The following PIK3AP1 variants were observed in gnomAD, a reference collection of about 807,000 sequenced individuals.
The protein encoded by PIK3AP1 is phosphoinositide-3-kinase adaptor protein 1, also known as phosphoinositide 3-kinase adapter protein 1.
PIK3AP1 carries 21 observed loss-of-function variants against 88.1 expected under a neutral mutation model. That is an observed-to-expected ratio of 0.24 (90% CI 0.17 to 0.34). The LOEUF is 0.34. Ranked by LOEUF, PIK3AP1 falls within the 10% of genes least tolerant of loss-of-function variation. PIK3AP1 has a pLI of 1.00. For missense variants in PIK3AP1, 828 were observed against 1,035.7 expected, an observed-to-expected ratio of 0.80 and a Z score of 2.75; for synonymous variants, 398 against 400.0, an observed-to-expected ratio of 1.00 and a Z score of 0.06.
chr10:96,625,315 T>C (rs2036200111), intron 10 of PIK3AP1, among the ~76,000 whole-genome samples: 1 of 152,064 alleles, frequency 6.6e-6, no homozygotes, highest in African/African-American at 2.4e-5. Flanking sequence ...AAGACACAGA[T>C]GCTGACAGGT....
At chr10:96,667,799 GA>G (rs5787207) in intron 2 of PIK3AP1, among the ~76,000 whole-genome samples, 88,079 of 151,788 alleles carry the variant, frequency 0.58, 26,738 homozygotes, top group African/African-American at 0.78. Flanking sequence ...AAATCAAAAA[GA>G]AAAGACTTCA....
At chr10:96,652,382 G>A (rs1843550684) in intron 4 of PIK3AP1, among the ~76,000 whole-genome samples, 2 of 152,090 alleles carry the variant, frequency 1.3e-5, no homozygotes, top group African/African-American at 4.8e-5. Flanking sequence ...GACCATCCTG[G>A]CTAACATGGT....
At chr10:96,668,139 A>G (rs1843791710) in intron 2 of PIK3AP1, among the ~76,000 whole-genome samples, 1 of 152,222 alleles carries the variant, frequency 6.6e-6, no homozygotes, top group African/African-American at 2.4e-5. Context: ...TGTGAAAGTA[A>G]TTAATGCCAA....
intron 10 of PIK3AP1, among the ~76,000 whole-genome samples, chr10:96,624,004 G>C (rs372199223): frequency 7.6e-4 from 116 of 152,364 alleles, no homozygotes; most frequent in African/African-American, 2.7e-3. Context: ...GGTTAGGAGA[G>C]AAAACTGGGA....
intron 13 of PIK3AP1, 48 bp downstream of exon 13, chr10:96,616,591 G>C: frequency 6.3e-7 from 1 of 1,590,504 alleles, no homozygotes; most frequent in Non-Finnish European, 8.6e-7. Flanking sequence ...AAGGACAACA[G>C]ATGACAGCAA....
chr10:96,658,503 C>G (rs555452886), intron 2 of PIK3AP1, among the ~76,000 whole-genome samples: 1 of 152,136 alleles, frequency 6.6e-6, no homozygotes. Flanking sequence ...TCAGTACCAC[C>G]GTATCCTATT....
Position 96,596,150 on chromosome 10 carries a change from C to T in PIK3AP1, c.2361-516G>A, listed in dbSNP as rs193123510. Among the ~76,000 whole-genome samples the T allele has an allele frequency of 2.3e-3, 347 of 152,330 alleles. 6 individuals carry two copies. Among genetic ancestry groups the T allele is most frequent in the Non-Finnish European group, 5.3e-4 (36 of 68,028 alleles). On this transcript the variant is annotated intron_variant, in intron 16 of 16. Coordinates refer to ENST00000339364, the MANE Select transcript of PIK3AP1 (RefSeq NM_152309.3). The stretch of plus-strand genomic sequence containing the variant: ...CCACCTCCTCTATGGGGCTTTCACA[C>T]TCCACTTTATGGGGCCACCATCCAC...
chr10:96,676,575 T>C (rs1843923391), intron 2 of PIK3AP1, among the ~76,000 whole-genome samples: 1 of 151,668 alleles, frequency 6.6e-6, no homozygotes, highest in Admixed American at 6.6e-5. Flanking sequence ...CTTACCTCTT[T>C]CACTGTTGCC....
intron 8 of PIK3AP1, among the ~76,000 whole-genome samples, chr10:96,629,508 AT>A (rs1273426511): frequency 2.0e-5 from 3 of 151,972 alleles, no homozygotes; most frequent in Non-Finnish European, 4.4e-5. Flanking sequence ...AAAAAATACA[AT>A]ATACTAGATA....
intron 11 of PIK3AP1, 90 bp downstream of exon 11, chr10:96,623,382 A>G (rs533037227): frequency 1.6e-6 from 2 of 1,260,572 alleles, no homozygotes; most frequent in Non-Finnish European, 2.3e-6. Context: ...CTATTTTTCA[A>G]TGTCAAGGAG....
rs562831218 is a variant in PIK3AP1 at position 96,652,640 on chromosome 10, C to G, written c.712+58G>C. 2.6e-5 allele frequency: 41 copies of G among 1,583,668 alleles called. No homozygotes were observed. The East Asian group carries it at 8.5e-4, about 33-fold the overall frequency. On this transcript the variant is annotated intron_variant, in intron 4 of 16. Coordinates refer to ENST00000339364, the MANE Select transcript of PIK3AP1 (RefSeq NM_152309.3). ...TACCTGGCATTGGTGGCATTGGTGA[C>G]AGCATAGCAAATAAGCAATGAAGCC...
At chr10:96,630,373 T>A (rs1293468804) in intron 8 of PIK3AP1, among the ~76,000 whole-genome samples, 1 of 152,234 alleles carries the variant, frequency 6.6e-6, no homozygotes, top group Non-Finnish European at 1.5e-5. Flanking sequence ...GTAATTGTAC[T>A]AATCCTGAAG....
intron 6 of PIK3AP1, among the ~76,000 whole-genome samples, chr10:96,650,215 C>A (rs1843517830): frequency 1.3e-5 from 2 of 152,118 alleles, no homozygotes; most frequent in South Asian, 2.1e-4. Flanking sequence ...AAGAGAGTCC[C>A]CCAGGAGAAG....
At chr10:96,718,661 G>A (rs936075316) in intron 1 of PIK3AP1, among the ~76,000 whole-genome samples, 6 of 152,282 alleles carry the variant, frequency 3.9e-5, no homozygotes, top group East Asian at 1.9e-4. Context: ...TAGCTCCTTC[G>A]GCTGTGTCCA....
intron 1 of PIK3AP1, among the ~76,000 whole-genome samples, chr10:96,718,697 G>C (rs967730727): frequency 6.6e-6 from 1 of 152,110 alleles, no homozygotes; most frequent in Non-Finnish European, 1.5e-5. Flanking sequence ...CAGGACGCTG[G>C]AAAAGAGGAA....
intron 2 of PIK3AP1, among the ~76,000 whole-genome samples, chr10:96,660,806 C>T (rs1039274078): frequency 6.6e-6 from 1 of 152,148 alleles, no homozygotes; most frequent in Non-Finnish European, 1.5e-5. Context: ...CCAGACAATA[C>T]AATACTATTC....
intron 10 of PIK3AP1, among the ~76,000 whole-genome samples, chr10:96,624,620 G>A (rs1256846513): frequency 1.3e-5 from 2 of 151,262 alleles, no homozygotes; most frequent in Non-Finnish European, 2.9e-5. Context: ...TTGAGCACAG[G>A]AGTTCAAGAC....
chr10:96,642,699 G>A (rs1843408553), intron 8 of PIK3AP1, among the ~76,000 whole-genome samples: 1 of 152,146 alleles, frequency 6.6e-6, no homozygotes, highest in Admixed American at 6.5e-5. Context: ...TAGCTCCAGA[G>A]CACACTGCTG....
At chr10:96,648,263 G>A (rs1002810008) in intron 7 of PIK3AP1, among the ~76,000 whole-genome samples, 3 of 152,192 alleles carry the variant, frequency 2.0e-5, no homozygotes, top group African/African-American at 7.2e-5. Context: ...GGTGGGGGGA[G>A]ATGATCAGCC....
Sources: allele counts gnomAD v4.1 joint callset (sites outside exome capture counted in the v4.1 genomes callset), GRCh38; gene constraint gnomAD v4.1.1; transcripts MANE v1.5; gene names NCBI Gene and HGNC (gene_info 2026-07-23, HGNC 2026-07-21).